CDCP1: variants seen among roughly 807,000 people sequenced by gnomAD.
CDCP1 encodes the protein CUB domain-containing protein 1.
Under a neutral mutation model 60.2 loss-of-function variants are expected in CDCP1, and 29 were observed. That is an observed-to-expected ratio of 0.48 (90% CI 0.36 to 0.66). The LOEUF is 0.66. CDCP1 is among the 30% of genes least tolerant of loss of function. CDCP1 has a pLI of 0.00. For synonymous variants in CDCP1, 387 were observed against 431.1 expected, an observed-to-expected ratio of 0.90 and a Z score of 1.27; for missense variants, 876 against 1,074.3, an observed-to-expected ratio of 0.82 and a Z score of 2.58.
chr3:45,085,530 G>A lies in CDCP1; in HGVS notation c.*108C>T. The A allele has an allele frequency of 1.7e-6, 2 of 1,190,970 alleles. No homozygotes were observed. Among genetic ancestry groups the A allele is most frequent in the Non-Finnish European group, 2.4e-6 (2 of 838,584 alleles). 73.8% of individuals were successfully genotyped at this position (1,190,970 alleles called of 1,614,324 possible). A position where few individuals can be genotyped will look rare whatever the true frequency, so the allele number is the denominator to read the frequency against. On this transcript the variant is annotated 3_prime_UTR_variant, in exon 9 of 9. Transcript: ENST00000296129. This position sits in a 1 kb window ranked among gnomAD's most constrained non-coding sequence, Gnocchi z 4.2. The stretch of plus-strand genomic sequence containing the variant: ...GCGGTGTCCAGGAAAACCTCCTGCT[G>A]TTCCTTCTGTATAATTCCTCTTCTT...
chr3:45,099,658 T>A (rs1164989446), intron 4 of CDCP1, among the ~76,000 whole-genome samples: 1 of 152,148 alleles, frequency 6.6e-6, no homozygotes, highest in Non-Finnish European at 1.5e-5. Flanking sequence ...GTTTTATATT[T>A]TCTCTTTCTT....
chr3:45,112,461 A>G lies in CDCP1; in HGVS notation c.293-16T>C. 6.2e-7 allele frequency: 1 copy of G among 1,606,290 alleles called. No homozygotes were observed. The highest frequency in any genetic ancestry group is 8.5e-7 in the Non-Finnish European group (1 of 1,174,800). ...GACATACAGTCTGAAAAACAGTCAC[A>G]GAAGCAATTTTGATCACAGATGCTC... On this transcript the variant is annotated splice_polypyrimidine_tract_variant and intron_variant, in intron 2 of 8. Transcript: ENST00000296129.
intron 4 of CDCP1, among the ~76,000 whole-genome samples, chr3:45,100,593 A>T (rs1402647429): frequency 6.6e-6 from 1 of 151,526 alleles, no homozygotes; most frequent in African/African-American, 2.4e-5. Context: ...CCACCTTTCT[A>T]CTCTATGAAA....
At chr3:45,143,457 G>A (rs530297468) in intron 1 of CDCP1, among the ~76,000 whole-genome samples, 1 of 152,274 alleles carries the variant, frequency 6.6e-6, no homozygotes, top group South Asian at 2.1e-4. Flanking sequence ...AAAACTGGAA[G>A]CAACTTAAAT....
intron 4 of CDCP1, among the ~76,000 whole-genome samples, chr3:45,107,299 C>T (rs138255715): frequency 0.017 from 2,585 of 152,040 alleles, 22 homozygotes; most frequent in Non-Finnish European, 0.027. Flanking sequence ...CTCCACCTCC[C>T]GGGTTCAAGC....
chr3:45,110,843 T>A lies in CDCP1; in HGVS notation c.656-2A>T. The A allele has an allele frequency of 6.2e-7, 1 of 1,605,986 alleles. No individual in the cohort carries two copies. Among genetic ancestry groups the A allele is most frequent in the South Asian group, 1.1e-5 (1 of 90,682 alleles). On this transcript the variant is annotated splice_acceptor_variant, in intron 3 of 8. Coordinates refer to ENST00000296129, the MANE Select transcript of CDCP1 (RefSeq NM_022842.5). LOFTEE classifies it high-confidence loss of function. ...ACACAGACTCGATGATGCACAGACC[T>A]AGTGGGAGTGGAACCCAAACCAGAA...
chr3:45,097,255 C>T (rs1350235886), intron 4 of CDCP1, among the ~76,000 whole-genome samples: 3 of 150,428 alleles, frequency 2.0e-5, no homozygotes, highest in African/African-American at 7.4e-5. Context: ...TGCAGTGAGC[C>T]GAGATCCCGC....
Position 45,146,137 on chromosome 3 carries a change from T to A in CDCP1, c.82+69A>T. On this transcript the variant is annotated intron_variant, in intron 1 of 8. Transcript: ENST00000296129. ...GCACCCTGCGTCCCTCGGCCGCATCTCCGCCGGGCGTCCGCTGGCTGGCTA... is the reference window on the plus strand; with the variant it reads ...GCACCCTGCGTCCCTCGGCCGCATCACCGCCGGGCGTCCGCTGGCTGGCTA... 6 of 1,407,276 alleles carry A rather than the reference T, an allele frequency of 4.3e-6. No individual in the cohort carries two copies. In the Admixed American group the frequency reaches 1.3e-4, roughly 31 times the overall value. The allele number at this position is 1,407,276 out of a possible 1,614,324, so 87.2% of individuals were successfully genotyped here.
At chr3:45,107,488 G>C (rs531023677) in intron 4 of CDCP1, among the ~76,000 whole-genome samples, 1 of 152,008 alleles carries the variant, frequency 6.6e-6, no homozygotes, top group African/African-American at 2.4e-5. Context: ...TTACAGTCAT[G>C]AGCCACCGCG....
intron 1 of CDCP1, among the ~76,000 whole-genome samples, chr3:45,145,859 A>T (rs1699374046): frequency 1.3e-5 from 2 of 152,060 alleles, no homozygotes; most frequent in Admixed American, 6.5e-5. Context: ...CACCTTGGAC[A>T]TGTCGCCTGG....
chr3:45,118,265 C>T (rs897320551), intron 2 of CDCP1, 147 bp downstream of exon 2: 4 of 646,192 alleles, frequency 6.2e-6, no homozygotes, highest in African/African-American at 1.8e-5. Context: ...TAACTGGCCA[C>T]ATCAGAGCTA....
intron 5 of CDCP1, among the ~76,000 whole-genome samples, chr3:45,094,975 C>T (rs1395649505): frequency 4.3e-4 from 64 of 150,042 alleles, no homozygotes; most frequent in Non-Finnish European, 3.8e-4. Flanking sequence ...TACTCTGTTG[C>T]CCAGGCTAGA....
At chr3:45,100,688 A>C (rs1698473939) in intron 4 of CDCP1, among the ~76,000 whole-genome samples, 1 of 152,224 alleles carries the variant, frequency 6.6e-6, no homozygotes, top group Admixed American at 6.5e-5. Flanking sequence ...GTACCTTAAA[A>C]ATGTTTTAAA....
At chr3:45,140,925 G>C in intron 1 of CDCP1, among the ~76,000 whole-genome samples, 1 of 152,218 alleles carries the variant, frequency 6.6e-6, no homozygotes, top group East Asian at 1.9e-4. Context: ...ATCTGGCTGG[G>C]CGTGGTGGCT....
rs1030527009 is a variant in CDCP1, at chr3:45,092,193, G to GA, written c.1628-656dup. ...GTCAGAGTAGGTACTCAGGACTTTTGAAAAAAAACAAAACAAACAGGCAAA... is the reference window on the plus strand; with the variant it reads ...GTCAGAGTAGGTACTCAGGACTTTTGAAAAAAAAACAAAACAAACAGGCAAA... On this transcript the variant is annotated intron_variant, in intron 6 of 8. Transcript: ENST00000296129. 7.9e-5 allele frequency among the ~76,000 whole-genome samples: 12 copies of GA among 151,676 alleles called. No individual in the cohort carries two copies. In the South Asian group the frequency reaches 1.0e-3, roughly 13 times the overall value.
chr3:45,103,666 C>T (rs908433304), intron 4 of CDCP1, among the ~76,000 whole-genome samples: 1 of 152,184 alleles, frequency 6.6e-6, no homozygotes, highest in African/African-American at 2.4e-5. Context: ...GGGTTAGTTC[C>T]ATGGGAGTGG....
Position 45,082,530 on chromosome 3 carries a change from T to C in CDCP1, c.*3108A>G, listed in dbSNP as rs1053259609. On this transcript the variant is annotated 3_prime_UTR_variant, in exon 9 of 9. Coordinates refer to ENST00000296129, the MANE Select transcript of CDCP1 (RefSeq NM_022842.5). ...AGCTTGATACTTGTTTTTTGGTACA[T>C]TTGTTTATTTAAAGCACAGGAAATG... The C allele has an allele frequency of 2.0e-5, 3 of 152,160 alleles. No homozygotes were observed. The highest frequency in any genetic ancestry group is 4.8e-5 in the African/African-American group (2 of 41,398). The allele number at this position is 152,160 out of a possible 1,614,324, so 9.4% of individuals were successfully genotyped here.
At chr3:45,108,738 TGTATAC>T in intron 4 of CDCP1, among the ~76,000 whole-genome samples, 1 of 134,292 alleles carries the variant, frequency 7.4e-6, no homozygotes, top group African/African-American at 3.0e-5. Context: ...TATATATGCA[TGTATAC>T]ATATATATGC....
At chr3:45,103,694 T>C (rs1050793190) in intron 4 of CDCP1, among the ~76,000 whole-genome samples, 2 of 151,990 alleles carry the variant, frequency 1.3e-5, no homozygotes, top group African/African-American at 4.8e-5. Flanking sequence ...TTCACAAGAG[T>C]GGGCTGTTAT....
Sources: gnomAD v4.1 joint callset for allele counts (sites outside exome capture counted in the v4.1 genomes callset) on GRCh38, gnomAD v4.1.1 for gene constraint, Gnocchi (gnomAD v3.1) non-coding constraint, MANE v1.5 for transcripts, NCBI Gene and HGNC (gene_info 2026-07-23, HGNC 2026-07-21) for gene names.